The following TTC29 variants were observed in gnomAD, a reference collection of about 807,000 sequenced individuals.
TTC29 encodes the protein tetratricopeptide repeat protein 29.
Under a neutral mutation model 58.1 loss-of-function variants are expected in TTC29, and 49 were observed. The observed-to-expected ratio is 0.84, with a 90% CI of 0.67 to 1.07. TTC29 has a LOEUF of 1.07. TTC29 is among the 50% of genes least tolerant of loss of function. The pLI, the probability that TTC29 is intolerant of heterozygous loss-of-function variation, is 0.00. For missense variants in TTC29, 582 were observed against 555.6 expected, an observed-to-expected ratio of 1.05 and a Z score of -0.48; for synonymous variants, 209 against 196.8, an observed-to-expected ratio of 1.06 and a Z score of -0.52.
chr4:146,800,602 A>G (rs546102687), intron 11 of TTC29, among the ~76,000 whole-genome samples: 70 of 152,330 alleles, frequency 4.6e-4, no homozygotes, highest in African/African-American at 1.6e-3. Flanking sequence ...TTCATGTGAT[A>G]ATTGGATGGT....
chr4:146,869,288 C>T (rs892432480), intron 7 of TTC29, among the ~76,000 whole-genome samples: 2 of 152,192 alleles, frequency 1.3e-5, no homozygotes, highest in East Asian at 1.9e-4. Context: ...ACCAAATAAC[C>T]GCTGCTGAAG....
In TTC29 at chr4:146,767,037, A is replaced by G. The variant is rs532196425; in HGVS notation, c.1330+36420T>C. Among the ~76,000 whole-genome samples the G allele has an allele frequency of 2.9e-4, 44 of 152,210 alleles. 1 individual carries two copies. In the South Asian group the frequency reaches 8.5e-3, roughly 29 times the overall value. On this transcript the variant is annotated intron_variant, in intron 11 of 12. Coordinates refer to ENST00000325106, the MANE Select transcript of TTC29 (RefSeq NM_031956.4). ...TTAGCTATTGCTTTAGCAACTTGGT[A>G]TTATAGATTCCACTGGAGCTTCCCT...
At chr4:146,832,449 C>T (rs569184935) in intron 9 of TTC29, among the ~76,000 whole-genome samples, 109 of 152,192 alleles carry the variant, frequency 7.2e-4, no homozygotes, top group Middle Eastern at 6.8e-3. Flanking sequence ...ATGACTGGCT[C>T]TGTCTTTCTT....
intron 11 of TTC29, among the ~76,000 whole-genome samples, chr4:146,786,507 C>T (rs539494230): frequency 1.3e-5 from 2 of 152,294 alleles, no homozygotes; most frequent in South Asian, 2.1e-4. Context: ...CAGATATTCT[C>T]CCCTGCTGCA....
At chr4:146,744,306 A>T (rs1338419943) in intron 11 of TTC29, among the ~76,000 whole-genome samples, 2 of 151,780 alleles carry the variant, frequency 1.3e-5, no homozygotes, top group Non-Finnish European at 2.9e-5. Flanking sequence ...CTGAGGAGGG[A>T]GGATCACTCG....
intron 11 of TTC29, among the ~76,000 whole-genome samples, chr4:146,760,970 C>A (rs1410003763): frequency 6.6e-6 from 1 of 151,406 alleles, no homozygotes; most frequent in African/African-American, 2.4e-5. Flanking sequence ...TTCTATTATT[C>A]TAAGTGAAGT....
chr4:146,741,330 T>G (rs1745132205), intron 11 of TTC29, among the ~76,000 whole-genome samples: 1 of 152,090 alleles, frequency 6.6e-6, no homozygotes, highest in South Asian at 2.1e-4. Context: ...AAGACACAAA[T>G]GCTCAAAGAG....
At chr4:146,911,502 A>G (rs910827889) in intron 4 of TTC29, among the ~76,000 whole-genome samples, 5 of 152,244 alleles carry the variant, frequency 3.3e-5, no homozygotes, top group African/African-American at 1.2e-4. Context: ...TTCATAAGCT[A>G]GGAATGCATT....
intron 9 of TTC29, among the ~76,000 whole-genome samples, chr4:146,820,801 G>T (rs1751761142): frequency 6.6e-6 from 1 of 152,174 alleles, no homozygotes; most frequent in Non-Finnish European, 1.5e-5. Context: ...GGGAGGCCCA[G>T]GTGGGCGGAT....
chr4:146,929,624 T>C (rs1267786396), intron 4 of TTC29, among the ~76,000 whole-genome samples: 2 of 152,116 alleles, frequency 1.3e-5, no homozygotes, highest in African/African-American at 4.8e-5. Flanking sequence ...TTCTGGAGCT[T>C]TTCTTTGTTG....
intron 11 of TTC29, among the ~76,000 whole-genome samples, chr4:146,708,144 C>T (rs1742124066): frequency 6.6e-6 from 1 of 151,726 alleles, no homozygotes; most frequent in African/African-American, 2.4e-5. Flanking sequence ...CAGACGAGCC[C>T]TGCCTGAATT....
At chr4:146,908,920 A>G in intron 5 of TTC29, 106 bp downstream of exon 5, 1 of 942,380 alleles carries the variant, frequency 1.1e-6, no homozygotes, top group East Asian at 2.4e-5. Context: ...AAGTGTGCTA[A>G]GTTGTCTTAA....
At chr4:146,851,231 A>G (rs1454474512) in intron 8 of TTC29, among the ~76,000 whole-genome samples, 4 of 152,206 alleles carry the variant, frequency 2.6e-5, no homozygotes, top group Non-Finnish European at 5.9e-5. Context: ...CCTCACAACC[A>G]CATTATAACT....
At chr4:146,744,090 T>C in intron 11 of TTC29, among the ~76,000 whole-genome samples, 1 of 152,240 alleles carries the variant, frequency 6.6e-6, no homozygotes, top group South Asian at 2.1e-4. Flanking sequence ...AGAGTATTGA[T>C]ATCCTCTGAA....
At chr4:146,924,897 G>T (rs1010381100) in intron 4 of TTC29, among the ~76,000 whole-genome samples, 7 of 151,716 alleles carry the variant, frequency 4.6e-5, no homozygotes, top group Non-Finnish European at 8.8e-5. Context: ...CACAAATTTT[G>T]ACATGCTGTG....
chr4:146,852,091 G>A (rs1377467539), intron 8 of TTC29, among the ~76,000 whole-genome samples: 8 of 152,168 alleles, frequency 5.3e-5, no homozygotes, highest in Admixed American at 4.6e-4. Flanking sequence ...GTAAGCCACC[G>A]CACCCAGCCC....
intron 11 of TTC29, among the ~76,000 whole-genome samples, chr4:146,753,357 A>G (rs1746171839): frequency 6.6e-6 from 1 of 152,226 alleles, no homozygotes; most frequent in African/African-American, 2.4e-5. Context: ...ATGAGATACC[A>G]TCTCACACCA....
intron 4 of TTC29, among the ~76,000 whole-genome samples, 176 bp downstream of exon 4, chr4:146,937,418 C>T (rs1735927956): frequency 6.6e-6 from 1 of 151,872 alleles, no homozygotes; most frequent in African/African-American, 2.4e-5. Context: ...AAATTAAAGA[C>T]TTTGATATGT....
intron 7 of TTC29, among the ~76,000 whole-genome samples, chr4:146,871,273 C>T (rs1490617687): frequency 6.6e-6 from 1 of 151,700 alleles, no homozygotes; most frequent in Non-Finnish European, 1.5e-5. Context: ...AAACATTTTG[C>T]AAAATCCAAC....
Sources: gnomAD v4.1 joint callset for allele counts (sites outside exome capture counted in the v4.1 genomes callset) on GRCh38, gnomAD v4.1.1 for gene constraint, MANE v1.5 for transcripts, NCBI Gene and HGNC (gene_info 2026-07-23, HGNC 2026-07-21) for gene names.